ANKRD31: variants seen among roughly 807,000 people sequenced by gnomAD.
ANKRD31 encodes ankyrin repeat domain-containing protein 31.
ANKRD31 carries 147 observed loss-of-function variants against 186.0 expected under a neutral mutation model. The ratio of observed to expected loss-of-function variants is 0.79; its 90% confidence interval spans 0.69 to 0.91. The LOEUF (loss-of-function observed/expected upper bound fraction) is 0.91, where lower values mean the gene tolerates loss of function less well. ANKRD31 is among the 40% of genes least tolerant of loss of function. The probability of loss-of-function intolerance (pLI) is 0.00; values close to 1 mark genes in which losing one functional copy is unlikely to be tolerated. For missense variants in ANKRD31, 1,986 were observed against 2,148.8 expected, an observed-to-expected ratio of 0.92 and a Z score of 1.50; for synonymous variants, 673 against 736.4, an observed-to-expected ratio of 0.91 and a Z score of 1.39.
intron 10 of ANKRD31, among the ~76,000 whole-genome samples, chr5:75,186,892 A>G (rs1298682799): frequency 6.6e-6 from 1 of 152,038 alleles, no homozygotes; most frequent in African/African-American, 2.4e-5. Flanking sequence ...TTCCTACTAG[A>G]GATTATTAAT....
intron 4 of ANKRD31, among the ~76,000 whole-genome samples, chr5:75,209,358 A>G (rs1199395867): frequency 1.3e-5 from 2 of 152,196 alleles, no homozygotes; most frequent in Admixed American, 6.5e-5. Flanking sequence ...TACAACTCAA[A>G]CAAGTGCACA....
At chr5:75,189,662 T>G (rs1278517148) in intron 9 of ANKRD31, among the ~76,000 whole-genome samples, 7 of 152,194 alleles carry the variant, frequency 4.6e-5, no homozygotes, top group Non-Finnish European at 8.8e-5. Flanking sequence ...CCAGTTGTAC[T>G]TGTTATATTA....
At chr5:75,084,206 G>C in intron 24 of ANKRD31, 66 bp downstream of exon 24, 2 of 1,127,530 alleles carry the variant, frequency 1.8e-6, no homozygotes, top group Non-Finnish European at 2.6e-6. Flanking sequence ...AATAAAATGA[G>C]TGCTTTTCCA....
At chr5:75,152,531 A>T (rs1751909572) in intron 12 of ANKRD31, among the ~76,000 whole-genome samples, 1 of 151,854 alleles carries the variant, frequency 6.6e-6, no homozygotes, top group Non-Finnish European at 1.5e-5. Context: ...TCTGTTGGGG[A>T]TTTTTTTTCA....
Position 75,169,526 on chromosome 5 carries a change from A to G in ANKRD31, c.1565-405T>C, listed in dbSNP as rs889019914. On this transcript the variant is annotated intron_variant, in intron 10 of 25. Coordinates refer to ENST00000506364, the MANE Select transcript of ANKRD31 (RefSeq NM_001372053.1). ...TAAAGTATCCAGCTGGCTGGACTAC[A>G]TATCACTCAGTTCAAAAGGATATAT... 3.3e-5 allele frequency among the ~76,000 whole-genome samples: 5 copies of G among 152,194 alleles called. No homozygotes were observed. The East Asian group carries it at 7.7e-4, about 23-fold the overall frequency.
chr5:75,109,546 G>A (rs185797460), intron 20 of ANKRD31, among the ~76,000 whole-genome samples: 1,645 of 152,298 alleles, frequency 0.011, 32 homozygotes, highest in Admixed American at 0.059. Flanking sequence ...AATAGGGTAA[G>A]TTCCTCAAAA....
intron 24 of ANKRD31, 107 bp from the exon 25 acceptor site, chr5:75,080,746 C>T (rs4345300): frequency 0.43 from 242,230 of 566,718 alleles, 57,958 homozygotes; most frequent in African/African-American, 0.82. Flanking sequence ...AATAGCTCTT[C>T]CTTGACATTT....
chr5:75,144,004 G>A lies in ANKRD31; in HGVS notation c.3592C>T (p.Leu1198=). The A allele has an allele frequency of 2.5e-6, 1 of 397,172 alleles. No individual in the cohort carries two copies. The highest frequency in any genetic ancestry group is 3.6e-5 in the East Asian group (1 of 27,914). The allele number at this position is 397,172 out of a possible 1,614,324, so 24.6% of individuals were successfully genotyped here. ...ATACAATTATAGGAATACAAACCTA[G>A]GTTGCAGGTAGTTTTTAAGAAACTT... The part of the protein sequence containing the change: ...RQSFLKTTCN[L]GMKAGRINKR... Residue 1198 remains leucine (L), a synonymous_variant, in exon 15 of 26, where the codon CTA becomes TTA. Coordinates refer to ENST00000506364, the MANE Select transcript of ANKRD31 (RefSeq NM_001372053.1).
intron 17 of ANKRD31, among the ~76,000 whole-genome samples, chr5:75,125,896 C>A (rs1479020538): frequency 6.6e-6 from 1 of 152,008 alleles, no homozygotes; most frequent in Non-Finnish European, 1.5e-5. Flanking sequence ...AGGCCTTTTA[C>A]CTGTTTAAAA....
intron 11 of ANKRD31, among the ~76,000 whole-genome samples, chr5:75,155,744 C>T (rs1020379922): frequency 9.2e-5 from 14 of 151,874 alleles, no homozygotes; most frequent in African/African-American, 2.7e-4. Flanking sequence ...AAATTAAAAG[C>T]GTATATATAT....
At chr5:75,139,668 CAAT>C (rs1750863735) in intron 15 of ANKRD31, among the ~76,000 whole-genome samples, 2 of 151,964 alleles carry the variant, frequency 1.3e-5, no homozygotes, top group South Asian at 4.2e-4. Flanking sequence ...ATTAGAAAGT[CAAT>C]GATGGAGAAC....
At chr5:75,088,174 C>T (rs1306657100) in intron 23 of ANKRD31, among the ~76,000 whole-genome samples, 1 of 152,184 alleles carries the variant, frequency 6.6e-6, no homozygotes, top group Non-Finnish European at 1.5e-5. Flanking sequence ...TGCTCCCACC[C>T]CAACCTTTCC....
chr5:75,179,676 TCAA>T (rs957178422), intron 10 of ANKRD31, among the ~76,000 whole-genome samples: 7 of 152,236 alleles, frequency 4.6e-5, no homozygotes, highest in African/African-American at 1.7e-4. Context: ...TTGACAAAAT[TCAA>T]CAACCCTTCA....
chr5:75,107,607 A>AAT lies in ANKRD31; in HGVS notation c.4252_4253dup (p.Glu1419LeufsTer5), dbSNP rs1437566466. 2.0e-6 allele frequency: 3 copies of AAT among 1,517,590 alleles called. No homozygotes were observed. The South Asian group carries it at 3.7e-5, about 19-fold the overall frequency. 94.0% of individuals were successfully genotyped at this position (1,517,590 alleles called of 1,614,324 possible). A position where few individuals can be genotyped will look rare whatever the true frequency, so the allele number is the denominator to read the frequency against. ...TCTTTTTTATCTTTAACATCTTTTC[A>AAT]ATGTATTGTTCTAGAAACATGACAA... On this transcript the variant is annotated frameshift_variant, in exon 21 of 26. Coordinates refer to ENST00000506364, the MANE Select transcript of ANKRD31 (RefSeq NM_001372053.1). LOFTEE classifies it high-confidence loss of function.
intron 11 of ANKRD31, among the ~76,000 whole-genome samples, chr5:75,157,106 G>A (rs1247281293): frequency 6.6e-6 from 1 of 152,180 alleles, no homozygotes; most frequent in African/African-American, 2.4e-5. Flanking sequence ...GAGGGCTTAG[G>A]AGGAGCATAT....
chr5:75,175,330 T>A (rs1461878756), intron 10 of ANKRD31, among the ~76,000 whole-genome samples: 2 of 152,104 alleles, frequency 1.3e-5, no homozygotes, highest in East Asian at 3.9e-4. Flanking sequence ...TGTATACCTA[T>A]GTAACAAACC....
At chr5:75,220,744 C>G (rs1757244290) in intron 3 of ANKRD31, among the ~76,000 whole-genome samples, 1 of 151,972 alleles carries the variant, frequency 6.6e-6, no homozygotes. Flanking sequence ...TGTCACTAAT[C>G]ATTCAGGAAA....
At chr5:75,235,584 C>A (rs1758218369) in intron 1 of ANKRD31, among the ~76,000 whole-genome samples, 1 of 152,086 alleles carries the variant, frequency 6.6e-6, no homozygotes, top group African/African-American at 2.4e-5. Context: ...CCCCTGCATG[C>A]CAGAAGGTAT....
chr5:75,073,354 C>T (rs1253460026), intron 25 of ANKRD31, among the ~76,000 whole-genome samples: 1 of 151,298 alleles, frequency 6.6e-6, no homozygotes, highest in Non-Finnish European at 1.5e-5. Flanking sequence ...AAGGGAGGAC[C>T]AGACACACTT....
Sources: gnomAD v4.1 joint callset for allele counts (sites outside exome capture counted in the v4.1 genomes callset) on GRCh38, gnomAD v4.1.1 for gene constraint, MANE v1.5 for transcripts, NCBI Gene and HGNC (gene_info 2026-07-23, HGNC 2026-07-21) for gene names.